Variants in NIPBL observed in about 807,000 individuals in gnomAD.
NIPBL encodes the protein nipped-B-like protein.
A neutral mutation model predicts 321.8 loss-of-function variants in NIPBL; 19 were observed. That is an observed-to-expected ratio of 0.06 (90% CI 0.04 to 0.09). The LOEUF is 0.09. NIPBL is among the 10% of genes least tolerant of loss of function. The pLI, the probability that NIPBL is intolerant of heterozygous loss-of-function variation, is 1.00. For synonymous variants in NIPBL, 1,106 were observed against 1,114.1 expected, an observed-to-expected ratio of 0.99 and a Z score of 0.14; for missense variants, 2,210 against 3,327.0, an observed-to-expected ratio of 0.66 and a Z score of 8.26.
At chr5:37,010,278 T>C (rs1747955298) in intron 21 of NIPBL, 53 bp downstream of exon 21, 3 of 1,331,000 alleles carry the variant, frequency 2.3e-6, no homozygotes, top group Non-Finnish European at 3.2e-6. Context: ...AGGAAATACC[T>C]ATATTCTCTG....
chr5:36,950,112 C>T (rs56332781), intron 1 of NIPBL, among the ~76,000 whole-genome samples: 2,645 of 152,042 alleles, frequency 0.017, 32 homozygotes, highest in Middle Eastern at 0.045. Context: ...ATTTATTTCT[C>T]CTACCTTATG....
rs368762999 is a variant in NIPBL, at chr5:36,995,641, G to T, written c.3141G>T (p.Val1047=). Residue 1047 remains valine, a synonymous_variant, in exon 11 of 47, where the codon GTG becomes GTT. Transcript: ENST00000282516. ...KSNKGSIDQS[V]LKELPPELLA... The stretch of plus-strand genomic sequence containing the variant: ...TAATAGGTAGTATAGATCAATCAGT[G>T]TTAAAAGAATTACCCCCTGAACTCC... 8.7e-6 allele frequency: 14 copies of T among 1,612,032 alleles called. No homozygotes were observed. Among genetic ancestry groups the T allele is most frequent in the Non-Finnish European group, 1.2e-5 (14 of 1,178,568 alleles).
intron 1 of NIPBL, among the ~76,000 whole-genome samples, chr5:36,922,744 T>C (rs1749042803): frequency 6.6e-6 from 1 of 152,212 alleles, no homozygotes; most frequent in Admixed American, 6.5e-5. Context: ...AGGGTTGTTA[T>C]GCCTAAACTT....
chr5:37,041,245 T>A (rs1006363784), intron 34 of NIPBL, among the ~76,000 whole-genome samples: 2 of 144,548 alleles, frequency 1.4e-5, no homozygotes, highest in African/African-American at 5.2e-5. Flanking sequence ...TTTGTTGTTA[T>A]GTGGTGGTTT....
rs1580399961 is a variant in NIPBL at position 36,986,248 on chromosome 5, A to G, written c.3068A>G (p.Lys1023Arg). ...AAACTTATTAAAGATAGAGAGGACA[A>G]ATCAAGAAGTTCCCTTAAACCTATC... ...VQKLIKDRED[K>R]SRSSLKPIKN... The change falls in exon 10 of 47, where the codon AAA becomes AGA. Residue 1023 changes from lysine to arginine, a missense_variant. Around this residue, in one of 14 missense-constraint regions of NIPBL, gnomAD observed 381 missense variants for 642.3 expected, o/e 0.59. Transcript: ENST00000282516. 5.1e-6 allele frequency: 8 copies of G among 1,561,234 alleles called. No individual in the cohort carries two copies. In the East Asian group the frequency reaches 1.8e-4, roughly 35 times the overall value.
In NIPBL at chr5:36,995,776, AGATAAT is replaced by A. The variant is rs1463636696; in HGVS notation, c.3281_3286del (p.Asn1094_Asp1095del). On this transcript the variant is annotated inframe_deletion, in exon 11 of 47. Transcript: ENST00000282516. ...AATATGCTGAAATCAGTTCAGATGAAGATAATGATAGTGATGAAGCTTTTGAATGTA... is the reference window on the plus strand; with the variant it reads ...AATATGCTGAAATCAGTTCAGATGAAGATAGTGATGAAGCTTTTGAATGTA... 1.9e-6 allele frequency: 3 copies of A among 1,613,506 alleles called. No homozygotes were observed. The highest frequency in any genetic ancestry group is 1.1e-5 in the South Asian group (1 of 91,074).
intron 1 of NIPBL, among the ~76,000 whole-genome samples, chr5:36,908,161 C>T (rs928774080): frequency 5.9e-5 from 9 of 152,142 alleles, no homozygotes; most frequent in African/African-American, 2.2e-4. Context: ...CCATCTGTCA[C>T]TATGTAACAT....
chr5:36,999,496 A>C (rs918101914), intron 11 of NIPBL, among the ~76,000 whole-genome samples: 4 of 152,170 alleles, frequency 2.6e-5, no homozygotes, highest in Non-Finnish European at 5.9e-5. Context: ...ATTTCTAATC[A>C]GTCTTTCTTG....
At chr5:36,891,857 T>C (rs962142182) in intron 1 of NIPBL, among the ~76,000 whole-genome samples, 3 of 152,096 alleles carry the variant, frequency 2.0e-5, no homozygotes, top group African/African-American at 7.2e-5. Flanking sequence ...ATAACAAATA[T>C]TAAAGAGTTA....
At chr5:36,912,752 G>C (rs372563755) in intron 1 of NIPBL, among the ~76,000 whole-genome samples, 1 of 151,976 alleles carries the variant, frequency 6.6e-6, no homozygotes, top group South Asian at 2.1e-4. Context: ...CACCCGCCTC[G>C]GCCTCCCAGA....
intron 6 of NIPBL, among the ~76,000 whole-genome samples, chr5:36,968,655 G>GT (rs1270399241): frequency 6.6e-6 from 1 of 152,168 alleles, no homozygotes; most frequent in East Asian, 1.9e-4. Context: ...AAGCCCAGGA[G>GT]TTTAAGTCTA....
intron 42 of NIPBL, among the ~76,000 whole-genome samples, chr5:37,053,167 TACTTA>T (rs1223873245): frequency 6.6e-6 from 1 of 152,198 alleles, no homozygotes; most frequent in Non-Finnish European, 1.5e-5. Flanking sequence ...GTGAACATCT[TACTTA>T]CACAAACCTA....
intron 32 of NIPBL, among the ~76,000 whole-genome samples, chr5:37,034,805 T>G (rs72736717): frequency 0.017 from 2,662 of 152,308 alleles, 33 homozygotes; most frequent in Middle Eastern, 0.044. Context: ...TTAAAATTAT[T>G]CGTGTTCTTG....
At chr5:37,064,477 A>C in intron 46 of NIPBL, 50 bp from the exon 47 acceptor site, 1 of 1,603,218 alleles carries the variant, frequency 6.2e-7, no homozygotes, top group Non-Finnish European at 8.5e-7. Flanking sequence ...ATTTCACTAA[A>C]ATTCTTTTGT....
Position 37,006,604 on chromosome 5 carries a change from A to G in NIPBL, c.4087+16A>G. The G allele has an allele frequency of 6.5e-7, 1 of 1,531,378 alleles. No homozygotes were observed. The allele number at this position is 1,531,378 out of a possible 1,614,324, so 94.9% of individuals were successfully genotyped here. On this transcript the variant is annotated intron_variant, in intron 17 of 46. Coordinates refer to ENST00000282516, the MANE Select transcript of NIPBL (RefSeq NM_133433.4). ...CCTCATGGAGGTTAGTTCGTATAAT[A>G]TCAAAATTATTGTAAATTTTTGCCA...
At position 36,962,146 on chromosome 5, in the gene NIPBL, G is replaced by A; in HGVS notation, c.482G>A (p.Ser161Asn). Residue 161 changes from serine (S) to asparagine (N), a missense_variant, in exon 6 of 47, where the codon AGC becomes AAC. By Grantham distance (46) the Ser-to-Asn change is conservative (BLOSUM62 1). Around this residue, in one of 14 missense-constraint regions of NIPBL, gnomAD observed 464 missense variants for 529.5 expected, o/e 0.88. Transcript: ENST00000282516. Reference sequence around the variant, plus strand: ...AGCCGGTTTGTGCCACCACAGACAAGCTCTGGGAACAGATTTATGCCACAG... The same window carrying A: ...AGCCGGTTTGTGCCACCACAGACAAACTCTGGGAACAGATTTATGCCACAG... Reference protein sequence around the residue: ...PSSRFVPPQTSSGNRFMPQQN... With the variant: ...PSSRFVPPQTNSGNRFMPQQN... The A allele has an allele frequency of 6.2e-7, 1 of 1,614,036 alleles. No homozygotes were observed. Among genetic ancestry groups the A allele is most frequent in the Non-Finnish European group, 8.5e-7 (1 of 1,179,970 alleles).
intron 3 of NIPBL, among the ~76,000 whole-genome samples, chr5:36,957,637 C>G (rs943104686): frequency 6.6e-6 from 1 of 152,104 alleles, no homozygotes; most frequent in Non-Finnish European, 1.5e-5. Context: ...AAGAATCCCT[C>G]TCTGTTATTT....
In NIPBL at chr5:37,014,003, G is replaced by A. The variant is rs1170941404; in HGVS notation, c.4561-680G>A. 3.3e-5 allele frequency among the ~76,000 whole-genome samples: 5 copies of A among 152,346 alleles called. No individual in the cohort carries two copies. In the East Asian group the frequency reaches 9.6e-4, roughly 29 times the overall value. The stretch of plus-strand genomic sequence containing the variant: ...GGCGGATCACTCGCGGTTAGGAGCT[G>A]GAGACCAGCCCAGCCAACACAGCGA... On this transcript the variant is annotated intron_variant, in intron 21 of 46. Coordinates refer to ENST00000282516, the MANE Select transcript of NIPBL (RefSeq NM_133433.4).
chr5:36,994,129 C>A (rs923013317), intron 10 of NIPBL, among the ~76,000 whole-genome samples: 12 of 152,028 alleles, frequency 7.9e-5, no homozygotes, highest in African/African-American at 2.2e-4. Flanking sequence ...AAAAAGAGGG[C>A]CCTCACTGAT....
Sources: gnomAD v4.1 joint callset for allele counts (sites outside exome capture counted in the v4.1 genomes callset) on GRCh38, gnomAD v4.1.1 for gene constraint, gnomAD v4.1.1 regional missense constraint, MANE v1.5 for transcripts, NCBI Gene and HGNC (gene_info 2026-07-23, HGNC 2026-07-21) for gene names.